The following ATP11A variants were observed in gnomAD, a reference collection of about 807,000 sequenced individuals.
ATP11A encodes the protein phospholipid-transporting ATPase IH.
Under a neutral mutation model 154.4 loss-of-function variants are expected in ATP11A, and 81 were observed. The ratio of observed to expected loss-of-function variants is 0.52; its 90% CI spans 0.44 to 0.63. The LOEUF (loss-of-function observed/expected upper bound fraction) is 0.63. Ranked by LOEUF, ATP11A falls within the 30% of genes least tolerant of loss-of-function variation. The pLI, the probability that ATP11A is intolerant of heterozygous loss-of-function variation, is 0.00. For missense variants in ATP11A, 1,316 were observed against 1,474.3 expected (o/e 0.89, Z 1.76); for synonymous variants, 623 against 585.9 (o/e 1.06, Z -0.91).
At chr13:112,765,489 G>T (rs904345391) in intron 1 of ATP11A, among the ~76,000 whole-genome samples, 8 of 152,228 alleles carry the variant, frequency 5.3e-5, no homozygotes, top group African/African-American at 1.7e-4. Context: ...TCTTCTGAGC[G>T]TGTCTCTGGG....
chr13:112,732,206 G>C (rs75116397), intron 1 of ATP11A, among the ~76,000 whole-genome samples: 3 of 152,148 alleles, frequency 2.0e-5, no homozygotes, highest in East Asian at 3.9e-4. Flanking sequence ...ACCACCTTCT[G>C]GTTCCTCCAT....
chr13:112,862,521 C>G lies in ATP11A; in HGVS notation c.2937C>G (p.Phe979Leu), dbSNP rs1307868214. Residue 979 changes from phenylalanine (F) to leucine (L), a missense_variant, in exon 25 of 30, where the codon TTC becomes TTG. By Grantham distance (22) the Phe-to-Leu change is conservative (BLOSUM62 0). Around this residue, in one of 5 missense-constraint regions of ATP11A, gnomAD observed 294 missense variants for 290.2 expected, o/e 1.01. Transcript: ENST00000375645. The stretch of plus-strand genomic sequence containing the variant: ...TGGGACTGTTTGACGCACTGGTGTT[C>G]TTCTTTGGTGCTTATTTCGTGTTTG... Reference protein sequence around the residue: ...TLLGLFDALVFFFGAYFVFEN... With the variant: ...TLLGLFDALVLFFGAYFVFEN... The G allele has an allele frequency of 5.0e-6, 8 of 1,614,192 alleles. No homozygotes were observed. In the East Asian group the frequency reaches 6.7e-5, roughly 13 times the overall value.
chr13:112,720,232 C>CA (rs372234542), intron 1 of ATP11A, among the ~76,000 whole-genome samples: 6 of 152,196 alleles, frequency 3.9e-5, no homozygotes, highest in African/African-American at 1.4e-4. Flanking sequence ...GGCAAAGCCA[C>CA]AAATCGGTAC....
intron 25 of ATP11A, among the ~76,000 whole-genome samples, chr13:112,869,460 G>T (rs546828440): frequency 6.6e-6 from 1 of 152,374 alleles, no homozygotes; most frequent in South Asian, 2.1e-4. Context: ...AGGGAGAGGG[G>T]ACAGTGAGGA....
rs139199130 is a variant in ATP11A at position 112,739,744 on chromosome 13, C to T, written c.40-45391C>T. Reference sequence around the variant, plus strand: ...AGCATCTCAGATGCCCATCAGTAGACGAATGGGTAAACAATGTGATTTATC... The same window carrying T: ...AGCATCTCAGATGCCCATCAGTAGATGAATGGGTAAACAATGTGATTTATC... On this transcript the variant is annotated intron_variant, in intron 1 of 29. Coordinates refer to ENST00000375645, the MANE Select transcript of ATP11A (RefSeq NM_015205.3). Among the ~76,000 whole-genome samples the T allele has an allele frequency of 1.0e-3, 159 of 152,234 alleles. 2 individuals are homozygous for T. Among genetic ancestry groups the T allele is most frequent in the African/African-American group, 3.4e-3 (141 of 41,534 alleles).
At chr13:112,831,259 C>A in intron 12 of ATP11A, 116 bp from the exon 13 acceptor site, 1 of 1,146,134 alleles carries the variant, frequency 8.7e-7, no homozygotes, top group Non-Finnish European at 1.2e-6. Flanking sequence ...TTTAGAAATC[C>A]ACCGCCTATT....
In ATP11A at chr13:112,886,516, T is replaced by C. The variant is rs1231740395; in HGVS notation, c.*4650T>C. On this transcript the variant is annotated 3_prime_UTR_variant, in exon 30 of 30. Coordinates refer to ENST00000375645, the MANE Select transcript of ATP11A (RefSeq NM_015205.3). ...TTTGTAACTTTAAAAACAGGAAAAA[T>C]ATCAGTTGGCAAATGCAATCTTTTT... The C allele has an allele frequency of 6.6e-6, 1 of 152,266 alleles. No homozygotes were observed. The highest frequency in any genetic ancestry group is 1.5e-5 in the Non-Finnish European group (1 of 68,006). The allele number at this position is 152,266 out of a possible 1,614,324, so 9.4% of individuals were successfully genotyped here. A position where few individuals can be genotyped will look rare whatever the true frequency, so the allele number is the denominator to read the frequency against.
chr13:112,859,216 T>C lies in ATP11A; in HGVS notation c.2668-177T>C. The C allele has an allele frequency of 1.6e-6, 1 of 637,774 alleles. No individual in the cohort carries two copies. Among genetic ancestry groups the C allele is most frequent in the East Asian group, 2.7e-5 (1 of 37,332 alleles). The allele number at this position is 637,774 out of a possible 1,614,324, so 39.5% of individuals were successfully genotyped here. A position where few individuals can be genotyped will look rare whatever the true frequency, so the allele number is the denominator to read the frequency against. On this transcript the variant is annotated intron_variant, in intron 22 of 29. Coordinates refer to ENST00000375645, the MANE Select transcript of ATP11A (RefSeq NM_015205.3). This position sits in a 1 kb window ranked among gnomAD's most constrained non-coding sequence, Gnocchi z 4.3. ...CCTGAGTGGCCAAAACGTGGTCACATGTGCATTTCAGTTGCCCCTGAAATA... is the reference window on the plus strand; with the variant it reads ...CCTGAGTGGCCAAAACGTGGTCACACGTGCATTTCAGTTGCCCCTGAAATA...
At chr13:112,856,195 CTGTTAAAAATAGAAGCAACCG>C in intron 20 of ATP11A, 110 bp downstream of exon 20, 1 of 1,130,394 alleles carries the variant, frequency 8.8e-7, no homozygotes, top group South Asian at 1.6e-5. Context: ...AGGGTACCAC[CTGTTAAAAATAGAAGCAACCG>C]TGATAGAGAT....
chr13:112,788,938 G>C (rs989258268), intron 2 of ATP11A, among the ~76,000 whole-genome samples: 1 of 151,744 alleles, frequency 6.6e-6, no homozygotes, highest in African/African-American at 2.4e-5. Flanking sequence ...GATCCCTGTG[G>C]AGACCTACTT....
At chr13:112,764,905 C>T (rs988512908) in intron 1 of ATP11A, among the ~76,000 whole-genome samples, 5 of 152,298 alleles carry the variant, frequency 3.3e-5, no homozygotes, top group Admixed American at 1.3e-4. Context: ...TAGCTCAGGG[C>T]GCTACCAGTC....
intron 1 of ATP11A, among the ~76,000 whole-genome samples, chr13:112,698,303 A>G (rs999400037): frequency 1.3e-5 from 2 of 152,136 alleles, no homozygotes; most frequent in Non-Finnish European, 1.5e-5. Flanking sequence ...TCGAAGCCTG[A>G]GACCACCCCA....
rs147942119 is a variant in ATP11A, at chr13:112,854,502, G to A, written c.2215G>A (p.Gly739Arg). 4.2e-5 allele frequency: 68 copies of A among 1,611,198 alleles called. No homozygotes were observed. Among genetic ancestry groups the A allele is most frequent in the East Asian group, 6.7e-5 (3 of 44,820 alleles). The change falls in exon 19 of 30, where the codon GGG becomes AGG. Residue 739 changes from glycine to arginine, a missense_variant. This residue lies in a region of ATP11A where 876 missense variants were observed against 1,006.8 expected (regional missense o/e 0.87). Transcript: ENST00000375645. ...GAGCAAGACGGTCCTGCGCCACAGC[G>A]GGAGCCTGACCAGAGACAACCTGTC... ...ELSKTVLRHS[G>R]SLTRDNLSGL...
At chr13:112,880,223 C>T (rs2080843761) in intron 29 of ATP11A, 1 of 157,462 alleles carries the variant, frequency 6.4e-6, no homozygotes, top group Non-Finnish European at 1.4e-5. Context: ...CGTGTGGCTT[C>T]AGGATTCCAG....
chr13:112,768,978 C>T (rs1456329137), intron 1 of ATP11A, among the ~76,000 whole-genome samples: 2 of 152,060 alleles, frequency 1.3e-5, no homozygotes, highest in African/African-American at 4.8e-5. Context: ...TGCACTGTGA[C>T]GTTAGTAACT....
chr13:112,804,616 T>A (rs1198703442), intron 2 of ATP11A, among the ~76,000 whole-genome samples: 1 of 150,142 alleles, frequency 6.7e-6, no homozygotes, highest in Non-Finnish European at 1.5e-5. Flanking sequence ...AGAGGAGAGA[T>A]CATGCAGAAA....
At chr13:112,845,168 G>T (rs983403920) in intron 17 of ATP11A, among the ~76,000 whole-genome samples, 1 of 149,742 alleles carries the variant, frequency 6.7e-6, no homozygotes, top group Admixed American at 6.6e-5. Flanking sequence ...CAGTTGCCAG[G>T]CGCTAGCAGT....
chr13:112,858,003 G>A (rs1466603166), intron 21 of ATP11A, 83 bp downstream of exon 21: 3 of 1,568,110 alleles, frequency 1.9e-6, no homozygotes, highest in Middle Eastern at 1.7e-4. Context: ...GCACGCAGGT[G>A]CATTCAGGAC....
chr13:112,788,241 TAGA>T (rs2077716724), intron 2 of ATP11A, among the ~76,000 whole-genome samples: 1 of 150,254 alleles, frequency 6.7e-6, no homozygotes, highest in Non-Finnish European at 1.5e-5. Context: ...TCCTGACGTG[TAGA>T]CTCCTGTGGA....
Sources: allele counts gnomAD v4.1 joint callset (sites outside exome capture counted in the v4.1 genomes callset), GRCh38; gene constraint gnomAD v4.1.1; regional missense constraint gnomAD v4.1.1; non-coding constraint Gnocchi (gnomAD v3.1); transcripts MANE v1.5; gene names NCBI Gene and HGNC (gene_info 2026-07-23, HGNC 2026-07-21).